Variants in RNASEH2B observed in about 807,000 individuals in gnomAD.
RNASEH2B encodes the protein Aicardi-Goutieres syndrome 2 protein.
A neutral mutation model predicts 45.0 loss-of-function variants in RNASEH2B; 36 were observed. The observed-to-expected ratio is 0.80, with a 90% CI of 0.61 to 1.06. The LOEUF is 1.06. Ranked by LOEUF, RNASEH2B falls within the 50% of genes least tolerant of loss-of-function variation. The probability of loss-of-function intolerance (pLI) is 0.00; values close to 1 mark genes in which losing one functional copy is unlikely to be tolerated. For missense variants in RNASEH2B, 361 were observed against 360.3 expected (o/e 1.00, Z -0.02); for synonymous variants, 119 against 125.7 (o/e 0.95, Z 0.35).
intron 5 of RNASEH2B, among the ~76,000 whole-genome samples, chr13:50,940,087 G>A (rs2137971236): frequency 6.6e-6 from 1 of 152,268 alleles, no homozygotes; most frequent in Non-Finnish European, 1.5e-5. Flanking sequence ...ACAAAGTAAG[G>A]AACTACTGCT....
At chr13:50,952,761 A>T (rs1951993157) in intron 9 of RNASEH2B, 1 of 152,208 alleles carries the variant, frequency 6.6e-6, no homozygotes, top group Admixed American at 6.5e-5. Flanking sequence ...TAGGTGGTTC[A>T]TTTGTGATGG....
chr13:50,950,706 C>T (rs1307834271), intron 9 of RNASEH2B: 1 of 152,164 alleles, frequency 6.6e-6, no homozygotes, highest in African/African-American at 2.4e-5. Flanking sequence ...TATCTATCTT[C>T]CTTAGTAACT....
chr13:50,927,915 A>G (rs1170755236), intron 2 of RNASEH2B, among the ~76,000 whole-genome samples: 3 of 152,074 alleles, frequency 2.0e-5, no homozygotes, highest in Non-Finnish European at 4.4e-5. Context: ...CAAGATTTTG[A>G]TTAGGTTCAG....
At chr13:50,950,706 C>G (rs1307834271) in intron 9 of RNASEH2B, 2 of 152,164 alleles carry the variant, frequency 1.3e-5, no homozygotes, top group South Asian at 4.1e-4. Context: ...TATCTATCTT[C>G]CTTAGTAACT....
At chr13:50,944,616 TAATAAATAAA>T (rs1951877707) in intron 6 of RNASEH2B, among the ~76,000 whole-genome samples, 1 of 151,996 alleles carries the variant, frequency 6.6e-6, no homozygotes. Context: ...ACTTAAAGTA[TAATAAATAAA>T]AATAAATAAT....
At chr13:50,940,612 G>A (rs1333397406) in intron 5 of RNASEH2B, among the ~76,000 whole-genome samples, 2 of 152,130 alleles carry the variant, frequency 1.3e-5, no homozygotes, top group South Asian at 4.1e-4. Flanking sequence ...TTTAGGCCTC[G>A]ATATTCAGGA....
At chr13:50,932,861 A>C (rs1951697807) in intron 4 of RNASEH2B, among the ~76,000 whole-genome samples, 3 of 152,190 alleles carry the variant, frequency 2.0e-5, no homozygotes, top group Admixed American at 2.0e-4. Context: ...TAAATACTGA[A>C]AGTCATAAAG....
intron 4 of RNASEH2B, 165 bp from the exon 5 acceptor site, chr13:50,934,720 G>A (rs573062064): frequency 3.3e-4 from 211 of 645,644 alleles, no homozygotes; most frequent in Middle Eastern, 1.2e-3. Flanking sequence ...AAGGGAGCTG[G>A]GGTCCGTCCT....
At chr13:50,915,686 G>A (rs957406200) in intron 1 of RNASEH2B, among the ~76,000 whole-genome samples, 9 of 152,230 alleles carry the variant, frequency 5.9e-5, no homozygotes, top group Non-Finnish European at 1.0e-4. Flanking sequence ...AGCATGTCAC[G>A]TAGGATTTCC....
downstream of RNASEH2B, among the ~76,000 whole-genome samples, chr13:50,957,259 C>T (rs1818863555): frequency 2.0e-5 from 3 of 152,064 alleles, no homozygotes; most frequent in Admixed American, 2.0e-4. Context: ...ACTCTTCCTC[C>T]CCTTGAAGTC....
At position 50,913,089 on chromosome 13, in the gene RNASEH2B, T is replaced by C. The variant is rs186883507; in HGVS notation, c.64+2949T>C. The stretch of plus-strand genomic sequence containing the variant: ...GATATGCAGACTTGGGACGTTGGTT[T>C]TCATAGGCTGGTGAAGACAGAACCA... On this transcript the variant is annotated intron_variant, in intron 1 of 10. Coordinates refer to ENST00000336617, the MANE Select transcript of RNASEH2B (RefSeq NM_024570.4). The C allele has an allele frequency of 6.0e-4, 91 of 152,322 alleles. 1 individual carries two copies. Among genetic ancestry groups the C allele is most frequent in the African/African-American group, 2.1e-3 (89 of 41,572 alleles). The allele number at this position is 152,322 out of a possible 1,614,324, so 9.4% of individuals were successfully genotyped here. A position where few individuals can be genotyped will look rare whatever the true frequency, so the allele number is the denominator to read the frequency against.
rs753339416 is a variant in RNASEH2B, at chr13:50,948,006, C to A, written c.636C>A (p.Ala212=). ...TTTCAGAGGATTATATTCGTTATGC[C>A]CATGGTCTGATATCTGACTACATCC... The part of the protein sequence containing the change: ...TDKEEDYIRY[A]HGLISDYIPK... Residue 212 remains alanine, a synonymous_variant, in exon 8 of 11, where the codon GCC becomes GCA. Transcript: ENST00000336617. The A allele has an allele frequency of 6.2e-7, 1 of 1,610,800 alleles. No homozygotes were observed. Among genetic ancestry groups the A allele is most frequent in the African/African-American group, 1.3e-5 (1 of 74,844 alleles).
At position 50,949,649 on chromosome 13, in the gene RNASEH2B, C is replaced by A. The variant is rs1048289570; in HGVS notation, c.741+144C>A. The A allele has an allele frequency of 4.2e-6, 3 of 708,574 alleles. No homozygotes were observed. In the African/African-American group the frequency reaches 5.4e-5, roughly 13 times the overall value. 43.9% of individuals were successfully genotyped at this position (708,574 alleles called of 1,614,324 possible). On this transcript the variant is annotated intron_variant, in intron 9 of 10. Coordinates refer to ENST00000336617, the MANE Select transcript of RNASEH2B (RefSeq NM_024570.4). ...GATGCCATGTGGAATAAAGATTGTACTGGGCTCTCCATCACTATTTTTTAT... is the reference window on the plus strand; with the variant it reads ...GATGCCATGTGGAATAAAGATTGTAATGGGCTCTCCATCACTATTTTTTAT...
At chr13:50,934,082 G>A (rs1951714923) in intron 4 of RNASEH2B, 1 of 152,230 alleles carries the variant, frequency 6.6e-6, no homozygotes, top group Non-Finnish European at 1.5e-5. Context: ...CTAGAAGTGG[G>A]TCATGGGCAA....
At chr13:50,931,539 T>G (rs563210204) in intron 4 of RNASEH2B, among the ~76,000 whole-genome samples, 2 of 152,332 alleles carry the variant, frequency 1.3e-5, no homozygotes, top group African/African-American at 4.8e-5. Flanking sequence ...TTTGCAAATC[T>G]CTTTAGTGTT....
Position 50,949,473 on chromosome 13 carries a change from C to T in RNASEH2B, c.709C>T (p.Pro237Ser). ...TTTTAACTTTCTTAGGCTTCCAGAA[C>T]CTTCAGCCTCATTGCCAAATCCTCC... ...DLSKYLKLPEPSASLPNPPSK... is the reference protein window; with the variant it reads ...DLSKYLKLPESSASLPNPPSK... Residue 237 changes from proline (P) to serine (S), a missense_variant, in exon 9 of 11, where the codon CCT (proline) becomes TCT (serine). Pro to Ser is a moderately conservative substitution (Grantham distance 74). Transcript: ENST00000336617. 6.2e-7 allele frequency: 1 copy of T among 1,613,502 alleles called. No homozygotes were observed. Among genetic ancestry groups the T allele is most frequent in the Non-Finnish European group, 8.5e-7 (1 of 1,179,542 alleles).
chr13:50,923,324 A>AATG (rs1371013515), intron 1 of RNASEH2B, among the ~76,000 whole-genome samples: 1 of 152,226 alleles, frequency 6.6e-6, no homozygotes, highest in Non-Finnish European at 1.5e-5. Flanking sequence ...CTGCACAACT[A>AATG]ATGAGTGCAG....
Position 50,914,805 on chromosome 13 carries a change from T to A in RNASEH2B, c.64+4665T>A, listed in dbSNP as rs563574873. ...ATTTATCCTCCAGGTCAGAAAAAAA[T>A]TCATAAAAGGAAAGCAAGCAGTGTT... On this transcript the variant is annotated intron_variant, in intron 1 of 10. Coordinates refer to ENST00000336617, the MANE Select transcript of RNASEH2B (RefSeq NM_024570.4). Among the ~76,000 whole-genome samples the A allele has an allele frequency of 7.9e-4, 121 of 152,216 alleles. No homozygotes were observed. In the Middle Eastern group the frequency reaches 0.01, roughly 13 times the overall value.
chr13:50,930,380 AG>A, intron 3 of RNASEH2B, among the ~76,000 whole-genome samples: 1 of 152,056 alleles, frequency 6.6e-6, no homozygotes, highest in Non-Finnish European at 1.5e-5. Context: ...CTCGTTTTTC[AG>A]GGGGTTGGGA....
Sources: allele counts gnomAD v4.1 joint callset (sites outside exome capture counted in the v4.1 genomes callset), GRCh38; gene constraint gnomAD v4.1.1; transcripts MANE v1.5; gene names NCBI Gene and HGNC (gene_info 2026-07-23, HGNC 2026-07-21).